Variants in AKAP9 observed in about 807,000 individuals in gnomAD.
AKAP9 encodes the protein A-kinase anchoring protein 9.
A neutral mutation model predicts 488.5 loss-of-function variants in AKAP9; 311 were observed. The ratio of observed to expected loss-of-function variants is 0.64; its 90% CI spans 0.58 to 0.70. The LOEUF (loss-of-function observed/expected upper bound fraction) is 0.70. Ranked by LOEUF, AKAP9 falls within the 30% of genes least tolerant of loss-of-function variation. AKAP9 has a pLI of 0.00. For synonymous variants in AKAP9, 1,462 were observed against 1,483.5 expected (o/e 0.99, Z 0.33); for missense variants, 4,215 against 4,374.5 (o/e 0.96, Z 1.03).
intron 22 of AKAP9, among the ~76,000 whole-genome samples, chr7:92,053,649 C>T (rs2130806371): frequency 6.6e-6 from 1 of 152,248 alleles, no homozygotes; most frequent in Non-Finnish European, 1.5e-5. Flanking sequence ...TTGTTGAATA[C>T]TAACTCCACG....
chr7:92,022,524 G>A (rs933096379), intron 13 of AKAP9, among the ~76,000 whole-genome samples, 172 bp downstream of exon 13: 1 of 151,946 alleles, frequency 6.6e-6, no homozygotes, highest in Admixed American at 6.6e-5. Flanking sequence ...TTTCTATTTG[G>A]TCCTTTCCCC....
intron 26 of AKAP9, among the ~76,000 whole-genome samples, chr7:92,068,615 G>A (rs1242437174): frequency 2.7e-5 from 4 of 150,758 alleles, no homozygotes; most frequent in African/African-American, 4.9e-5. Context: ...TTTTTCTACT[G>A]TTGCACCATT....
At chr7:92,051,341 T>C (rs6970277) in intron 21 of AKAP9, among the ~76,000 whole-genome samples, 51,606 of 152,106 alleles carry the variant, frequency 0.34, 9,229 homozygotes, top group Middle Eastern at 0.39. Context: ...ATTCCAAGAT[T>C]ATCTTGCACT....
rs1456480991 is a variant in AKAP9, at chr7:92,077,929, G to A, written c.6945+54G>A. The A allele has an allele frequency of 1.8e-5, 24 of 1,344,642 alleles. 1 individual carries two copies. The East Asian group carries it at 5.6e-4, about 32-fold the overall frequency. The allele number at this position is 1,344,642 out of a possible 1,614,324, so 83.3% of individuals were successfully genotyped here. A position where few individuals can be genotyped will look rare whatever the true frequency, so the allele number is the denominator to read the frequency against. ...TTAATATGAACCAGAGTTTTAAAGG[G>A]CAAAATGGTTATAATGTTGCTCCCC... is the stretch of plus-strand genomic sequence containing the variant. On this transcript the variant is annotated intron_variant, in intron 30 of 49. Transcript: ENST00000356239.
chr7:91,941,875 A>C (rs1306664443), intron 1 of AKAP9, among the ~76,000 whole-genome samples: 1 of 107,664 alleles, frequency 9.3e-6, no homozygotes, highest in Admixed American at 1.0e-4. Flanking sequence ...TCTCTGGCGA[A>C]TCCTGGTTGT....
intron 26 of AKAP9, among the ~76,000 whole-genome samples, chr7:92,067,211 T>A (rs1810911788): frequency 6.6e-6 from 1 of 152,200 alleles, no homozygotes; most frequent in African/African-American, 2.4e-5. Flanking sequence ...CAGTCATATA[T>A]AAATGCCTCC....
intron 8 of AKAP9, among the ~76,000 whole-genome samples, chr7:92,005,313 A>G (rs977222916): frequency 6.6e-6 from 1 of 152,202 alleles, no homozygotes; most frequent in Non-Finnish European, 1.5e-5. Flanking sequence ...TGGTCAGGAA[A>G]CATCTCTAGG....
chr7:92,022,281 A>G lies in AKAP9; in HGVS notation c.3881A>G (p.Glu1294Gly). Residue 1294 changes from glutamate (E) to glycine (G), a missense_variant, in exon 13 of 50, where the codon GAA becomes GGA. Physicochemically the swap from Glu to Gly is moderately conservative, Grantham distance 98. Transcript: ENST00000356239. ...QTDGMKLEFGEENLPKEETEF... is the reference protein window; with the variant it reads ...QTDGMKLEFGGENLPKEETEF... Reference sequence around the variant, plus strand: ...GATGGTATGAAACTTGAATTTGGAGAAGAAAACCTTCCAAAAGAGGAAACA... The same window carrying G: ...GATGGTATGAAACTTGAATTTGGAGGAGAAAACCTTCCAAAAGAGGAAACA... The G allele has an allele frequency of 6.2e-7, 1 of 1,613,714 alleles. No homozygotes were observed. The highest frequency in any genetic ancestry group is 8.5e-7 in the Non-Finnish European group (1 of 1,179,728).
chr7:92,081,497 A>ATT (rs376611467), intron 31 of AKAP9, among the ~76,000 whole-genome samples: 71 of 85,376 alleles, frequency 8.3e-4, no homozygotes, highest in East Asian at 5.4e-3. Context: ...ATATATATAT[A>ATT]TTTTTTTTTT....
chr7:92,020,013 C>CA (rs1004312584), intron 12 of AKAP9, among the ~76,000 whole-genome samples: 191 of 138,146 alleles, frequency 1.4e-3, no homozygotes, highest in Middle Eastern at 3.8e-3. Flanking sequence ...GACTCCATCT[C>CA]AAAAAAAAAA....
chr7:92,089,695 G>A (rs1354520260), intron 38 of AKAP9, 166 bp downstream of exon 38: 1 of 793,994 alleles, frequency 1.3e-6, no homozygotes, highest in East Asian at 2.9e-5. Context: ...AGGGGTTAGA[G>A]GATTGTCTAA....
At chr7:92,099,908 T>C in intron 44 of AKAP9, 39 bp downstream of exon 44, 1 of 1,582,372 alleles carries the variant, frequency 6.3e-7, no homozygotes, top group South Asian at 1.1e-5. Context: ...TGAGAATTAG[T>C]GCATGCTTAT....
chr7:92,093,682 A>G (rs977586644), intron 39 of AKAP9, among the ~76,000 whole-genome samples: 3 of 152,210 alleles, frequency 2.0e-5, no homozygotes, highest in Non-Finnish European at 4.4e-5. Context: ...TGTTAAAAGA[A>G]TATATTTCTT....
At chr7:92,059,620 G>A (rs778290190) in intron 22 of AKAP9, among the ~76,000 whole-genome samples, 5 of 151,354 alleles carry the variant, frequency 3.3e-5, no homozygotes, top group Non-Finnish European at 7.4e-5. Context: ...TATCCTTATA[G>A]TAAATTTAAA....
At chr7:92,004,910 A>G (rs561094416) in intron 8 of AKAP9, among the ~76,000 whole-genome samples, 1 of 152,284 alleles carries the variant, frequency 6.6e-6, no homozygotes, top group South Asian at 2.1e-4. Flanking sequence ...TTCAAAGGGA[A>G]TGCTTCCGGT....
At position 91,995,327 on chromosome 7, in the gene AKAP9, C is replaced by T. The variant is rs575719298; in HGVS notation, c.733-276C>T. The stretch of plus-strand genomic sequence containing the variant: ...GGATTGGAACTACAAACTGGAAAGC[C>T]ATAGGGAATTCGGGAAGTACTGTCT... On this transcript the variant is annotated intron_variant, in intron 6 of 49. Transcript: ENST00000356239. Among the ~76,000 whole-genome samples, 4 of 152,274 alleles carry T rather than the reference C, an allele frequency of 2.6e-5. No individual in the cohort carries two copies. The South Asian group carries it at 8.3e-4, about 32-fold the overall frequency.
chr7:92,029,962 G>A lies in AKAP9; in HGVS notation c.4216G>A (p.Val1406Met), dbSNP rs988349389. 1.2e-6 allele frequency: 2 copies of A among 1,612,076 alleles called. 1 individual carries two copies. The highest frequency in any genetic ancestry group is 2.2e-5 in the South Asian group (2 of 90,994). ...AQRTMYPGSC[V>M]KKNIDGTIEF... ...GAGAACAATGTACCCTGGAAGTTGT[G>A]TGAAAAAGAATATTGATGGTACAAT... Residue 1406 changes from valine to methionine, a missense_variant, in exon 15 of 50, where the codon GTG becomes ATG. By Grantham distance (21) the Val-to-Met change is conservative. Transcript: ENST00000356239.
chr7:92,050,063 CTTTTTTTTT>C (rs35146687), intron 21 of AKAP9, among the ~76,000 whole-genome samples: 1 of 129,744 alleles, frequency 7.7e-6, no homozygotes, highest in Non-Finnish European at 1.7e-5. Context: ...TTTCAGCAAA[CTTTTTTTTT>C]TTTTTTTTTT....
intron 1 of AKAP9, among the ~76,000 whole-genome samples, chr7:91,948,968 C>A (rs940349570): frequency 2.0e-5 from 3 of 152,060 alleles, no homozygotes; most frequent in Admixed American, 6.5e-5. Flanking sequence ...CCAGGCTGGT[C>A]TTGAACTCCT....
Sources: gnomAD v4.1 joint callset for allele counts (sites outside exome capture counted in the v4.1 genomes callset) on GRCh38, gnomAD v4.1.1 for gene constraint, MANE v1.5 for transcripts, NCBI Gene and HGNC (gene_info 2026-07-23, HGNC 2026-07-21) for gene names.